VAV3: variants seen among roughly 807,000 people sequenced by gnomAD.
VAV3 encodes the protein vav guanine nucleotide exchange factor 3.
VAV3 carries 94 observed loss-of-function variants against 131.2 expected under a neutral mutation model. The observed-to-expected ratio is 0.72, with a 90% CI of 0.61 to 0.85. VAV3 has a LOEUF of 0.85. Among genes scored for constraint, VAV3 ranks in the 40% least tolerant of loss-of-function variants. The probability of loss-of-function intolerance (pLI) is 0.00; values close to 1 mark genes in which losing one functional copy is unlikely to be tolerated. For missense variants in VAV3, 939 were observed against 1,002.7 expected, an observed-to-expected ratio of 0.94 and a Z score of 0.86; for synonymous variants, 349 against 342.0, an observed-to-expected ratio of 1.02 and a Z score of -0.22.
At chr1:107,953,901 G>A (rs1419944807) in intron 1 of VAV3, among the ~76,000 whole-genome samples, 1 of 152,186 alleles carries the variant, frequency 6.6e-6, no homozygotes, top group Non-Finnish European at 1.5e-5. Flanking sequence ...AGCATGTGCT[G>A]CTGGCTTCCT....
intron 2 of VAV3, among the ~76,000 whole-genome samples, chr1:107,782,351 C>CT (rs1665737089): frequency 6.6e-6 from 1 of 152,168 alleles, no homozygotes; most frequent in African/African-American, 2.4e-5. Flanking sequence ...CACACCGCCT[C>CT]TTTCAGAAAA....
intron 20 of VAV3, among the ~76,000 whole-genome samples, chr1:107,629,894 C>T (rs149375831): frequency 9.4e-4 from 143 of 152,204 alleles, no homozygotes; most frequent in African/African-American, 3.4e-3. Flanking sequence ...ATGTGGAAAA[C>T]ATGACAGTCT....
intron 17 of VAV3, among the ~76,000 whole-genome samples, chr1:107,702,775 C>G (rs138619788): frequency 7.0e-6 from 1 of 142,160 alleles, no homozygotes; most frequent in Non-Finnish European, 1.5e-5. Flanking sequence ...AATAAAAATA[C>G]TAAATAAGCC....
chr1:107,889,706 A>G (rs1671224447), intron 1 of VAV3, among the ~76,000 whole-genome samples: 1 of 152,210 alleles, frequency 6.6e-6, no homozygotes, highest in Non-Finnish European at 1.5e-5. Flanking sequence ...GCCTATAAAT[A>G]CCTACTTAGA....
chr1:107,626,998 T>A (rs998174036), intron 20 of VAV3, among the ~76,000 whole-genome samples: 3 of 152,152 alleles, frequency 2.0e-5, no homozygotes, highest in Admixed American at 6.5e-5. Context: ...GGATTAGAAG[T>A]CTCCTTTTAA....
At chr1:107,627,473 G>A (rs187067416) in intron 20 of VAV3, among the ~76,000 whole-genome samples, 60 of 152,114 alleles carry the variant, frequency 3.9e-4, no homozygotes, top group Non-Finnish European at 7.4e-4. Context: ...TGTGCCAGTG[G>A]GACTCTTCAC....
chr1:107,735,195 C>T (rs2101987949), intron 15 of VAV3, among the ~76,000 whole-genome samples: 1 of 152,284 alleles, frequency 6.6e-6, no homozygotes, highest in Admixed American at 6.5e-5. Context: ...ATCTCTGGGA[C>T]ACATTTAAAG....
chr1:107,701,135 C>T (rs575856908), intron 17 of VAV3, among the ~76,000 whole-genome samples: 198 of 152,020 alleles, frequency 1.3e-3, no homozygotes, highest in Non-Finnish European at 2.7e-3. Flanking sequence ...CCTTTGCCTG[C>T]TTTTTAATGG....
chr1:107,712,193 C>T (rs1165791227), intron 15 of VAV3, among the ~76,000 whole-genome samples: 1 of 152,036 alleles, frequency 6.6e-6, no homozygotes, highest in African/African-American at 2.4e-5. Flanking sequence ...TAAAATACAA[C>T]CAGAAGATAA....
chr1:107,585,447 A>G lies in VAV3; in HGVS notation c.2350+10765T>C, dbSNP rs528703484. ...TTTCTCCTTTGCCCACATCCCTCCA[A>G]TGGTTTCCTGTTTCTTCAAGGGTAA... On this transcript the variant is annotated intron_variant, in intron 25 of 26. Transcript: ENST00000370056. 3.9e-5 allele frequency among the ~76,000 whole-genome samples: 6 copies of G among 152,128 alleles called. 1 individual carries two copies. The highest frequency in any genetic ancestry group is 4.1e-4 in the South Asian group (2 of 4,820).
chr1:107,671,730 C>T (rs758576034), intron 19 of VAV3, among the ~76,000 whole-genome samples: 2 of 151,884 alleles, frequency 1.3e-5, no homozygotes, highest in Non-Finnish European at 2.9e-5. Flanking sequence ...TTTCTTCCTA[C>T]TTCTGAAAAT....
chr1:107,657,170 A>T (rs1252892934), intron 19 of VAV3, among the ~76,000 whole-genome samples: 2 of 151,866 alleles, frequency 1.3e-5, no homozygotes, highest in African/African-American at 4.8e-5. Context: ...CGCCAGGTTG[A>T]TATCAAACTC....
intron 15 of VAV3, among the ~76,000 whole-genome samples, chr1:107,714,666 C>T (rs1182926389): frequency 1.3e-5 from 2 of 151,954 alleles, no homozygotes; most frequent in Non-Finnish European, 2.9e-5. Context: ...AATTATGCTG[C>T]TGGTTATTTG....
intron 1 of VAV3, among the ~76,000 whole-genome samples, chr1:107,943,727 C>T (rs530997414): frequency 1.1e-4 from 16 of 152,254 alleles, no homozygotes; most frequent in African/African-American, 3.4e-4. Context: ...GGCAACAGAG[C>T]GAGACTCCGT....
In VAV3 at chr1:107,597,205, C is replaced by T. The variant is rs1203011928; in HGVS notation, c.2221-864G>A. On this transcript the variant is annotated intron_variant, in intron 24 of 26. Transcript: ENST00000370056. Reference sequence around the variant, plus strand: ...TAATTATTCAATGTTTCTATTGGAGCGCCTTTTTAAAAATAAAAAATAAAA... The same window carrying T: ...TAATTATTCAATGTTTCTATTGGAGTGCCTTTTTAAAAATAAAAAATAAAA... 3.4e-5 allele frequency among the ~76,000 whole-genome samples: 5 copies of T among 144,954 alleles called. No individual in the cohort carries two copies. The South Asian group carries it at 6.6e-4, about 19-fold the overall frequency.
Position 107,760,878 on chromosome 1 carries a change from T to A in VAV3, c.923A>T (p.Glu308Val), listed in dbSNP as rs1433936674. 6.2e-7 allele frequency: 1 copy of A among 1,612,094 alleles called. No homozygotes were observed. The highest frequency in any genetic ancestry group is 1.7e-5 in the Admixed American group (1 of 59,972). Residue 308 changes from glutamate (E) to valine (V), a missense_variant and splice_region_variant, in exon 10 of 27, where the codon GAA (glutamate) becomes GTA (valine). Glu to Val is a moderately radical substitution (Grantham distance 121). Transcript: ENST00000370056. ...TKEDVKLKLE[E>V]CSKRANNGKF... ...CCCATTATTTGCTCTTTTGGAACAT[T>A]CCTAATGAAATGTTTTAAAAACACT...
intron 1 of VAV3, among the ~76,000 whole-genome samples, chr1:107,932,597 T>C (rs1673493392): frequency 6.6e-6 from 1 of 152,204 alleles, no homozygotes; most frequent in Non-Finnish European, 1.5e-5. Flanking sequence ...TAATACTTTA[T>C]TATGGTAAAA....
At chr1:107,575,125 T>C (rs1649551857) in intron 25 of VAV3, among the ~76,000 whole-genome samples, 1 of 152,164 alleles carries the variant, frequency 6.6e-6, no homozygotes, top group Non-Finnish European at 1.5e-5. Flanking sequence ...TCATGTTTGT[T>C]AGTCTCTAGT....
chr1:107,894,486 G>A (rs532144255), intron 1 of VAV3, among the ~76,000 whole-genome samples: 1 of 152,242 alleles, frequency 6.6e-6, no homozygotes, highest in East Asian at 1.9e-4. Context: ...TAAGGAAAGT[G>A]ATATAAATCT....
Sources: gnomAD v4.1 joint callset for allele counts (sites outside exome capture counted in the v4.1 genomes callset) on GRCh38, gnomAD v4.1.1 for gene constraint, MANE v1.5 for transcripts, NCBI Gene and HGNC (gene_info 2026-07-23, HGNC 2026-07-21) for gene names.